The following MAP3K20 variants were observed in gnomAD, a reference collection of about 807,000 sequenced individuals.
The protein encoded by MAP3K20 is mitogen-activated protein kinase kinase kinase 20.
In MAP3K20, 40 loss-of-function variants were observed where a neutral mutation model predicts 85.7. That is an observed-to-expected ratio of 0.47 (90% CI 0.36 to 0.61). The LOEUF is 0.61. Ranked by LOEUF, MAP3K20 falls within the 20% of genes least tolerant of loss-of-function variation. MAP3K20 has a pLI of 0.00. For missense variants in MAP3K20, 817 were observed against 961.7 expected, an observed-to-expected ratio of 0.85 and a Z score of 1.99; for synonymous variants, 325 against 327.7, an observed-to-expected ratio of 0.99 and a Z score of 0.09.
chr2:173,075,976 G>A lies in MAP3K20; in HGVS notation c.-61G>A, dbSNP rs1486211973. ...GCGCGGGGCCTCCGCGCCCCCGGCT[G>A]CTGCTCACGCCCCGCCCGGGAGCCA... On this transcript the variant is annotated 5_prime_UTR_variant, in exon 1 of 20. Coordinates refer to ENST00000375213, the MANE Select transcript of MAP3K20 (RefSeq NM_016653.3). 2.0e-6 allele frequency: 2 copies of A among 984,922 alleles called. No homozygotes were observed. Among genetic ancestry groups the A allele is most frequent in the Non-Finnish European group, 2.4e-6 (2 of 829,822 alleles). 61.0% of individuals were successfully genotyped at this position (984,922 alleles called of 1,614,324 possible).
At chr2:173,152,548 G>A (rs944958192) in intron 2 of MAP3K20, among the ~76,000 whole-genome samples, 3 of 152,134 alleles carry the variant, frequency 2.0e-5, no homozygotes, top group Admixed American at 1.3e-4. Flanking sequence ...ACCACTTATC[G>A]AATGCTCTTA....
intron 10 of MAP3K20, 32 bp from the exon 11 acceptor site, chr2:173,217,083 A>C: frequency 6.9e-7 from 1 of 1,443,520 alleles, no homozygotes; most frequent in Non-Finnish European, 9.2e-7. Context: ...TCTTAAGTAA[A>C]GTTGAGACTT....
chr2:173,215,987 C>T (rs534981112), intron 10 of MAP3K20, among the ~76,000 whole-genome samples: 2 of 152,172 alleles, frequency 1.3e-5, no homozygotes, highest in Non-Finnish European at 2.9e-5. Flanking sequence ...TGGCAGCACC[C>T]AGCAGCTATT....
At chr2:173,079,972 CATT>C (rs1328831517) in intron 1 of MAP3K20, among the ~76,000 whole-genome samples, 4 of 151,826 alleles carry the variant, frequency 2.6e-5, no homozygotes, top group Non-Finnish European at 5.9e-5. Context: ...GTAACACAGT[CATT>C]ATCCTTATCA....
At chr2:173,076,719 C>T (rs776548703) in intron 1 of MAP3K20, among the ~76,000 whole-genome samples, 2 of 152,260 alleles carry the variant, frequency 1.3e-5, no homozygotes, top group Non-Finnish European at 2.9e-5. Flanking sequence ...AAGCGCCCGC[C>T]CTCTCGGGCT....
At chr2:173,264,652 G>C (rs77062162) in intron 19 of MAP3K20, among the ~76,000 whole-genome samples, 3 of 152,158 alleles carry the variant, frequency 2.0e-5, no homozygotes, top group Non-Finnish European at 4.4e-5. Context: ...CAACTCTCCC[G>C]ATCACGTGGC....
At chr2:173,137,764 C>T (rs1426538765) in intron 2 of MAP3K20, among the ~76,000 whole-genome samples, 3 of 151,988 alleles carry the variant, frequency 2.0e-5, no homozygotes, top group East Asian at 3.8e-4. Flanking sequence ...AATTGTAACC[C>T]ACATAAAATT....
intron 7 of MAP3K20, among the ~76,000 whole-genome samples, chr2:173,192,249 C>G (rs939274165): frequency 6.6e-6 from 1 of 152,162 alleles, no homozygotes; most frequent in South Asian, 2.1e-4. Context: ...AGAGGAGATT[C>G]ACGTTGTCAG....
chr2:173,128,327 AT>A (rs1688506456), intron 2 of MAP3K20, among the ~76,000 whole-genome samples: 1 of 150,712 alleles, frequency 6.6e-6, no homozygotes, highest in Admixed American at 6.6e-5. Context: ...TTATTTATTT[AT>A]TTATTTATTT....
In MAP3K20 at chr2:173,091,172, C is replaced by T. The variant is rs775366900; in HGVS notation, c.141C>T (p.Leu47=). Residue 47 remains leucine (L), a synonymous_variant, in exon 2 of 20, where the codon CTC becomes CTT. Coordinates refer to ENST00000375213, the MANE Select transcript of MAP3K20 (RefSeq NM_016653.3). ...ACAAGGAGGTGGCTGTAAAGAAGCT[C>T]CTCAAAATAGAGAAAGAGGTAAGGT... ...SQDKEVAVKK[L]LKIEKEAEIL... 5.6e-6 allele frequency: 9 copies of T among 1,612,558 alleles called. No individual in the cohort carries two copies. The highest frequency in any genetic ancestry group is 1.7e-4 in the Middle Eastern group (1 of 6,056).
chr2:173,235,032 A>G (rs1452117517), intron 14 of MAP3K20, among the ~76,000 whole-genome samples: 1 of 152,258 alleles, frequency 6.6e-6, no homozygotes, highest in African/African-American at 2.4e-5. Flanking sequence ...CTCAGGCTCA[A>G]GAAGGAAAGC....
intron 19 of MAP3K20, 140 bp downstream of exon 19, chr2:173,264,035 G>C: frequency 8.3e-7 from 1 of 1,201,080 alleles, no homozygotes; most frequent in Non-Finnish European, 1.1e-6. Context: ...AGAAAACCCA[G>C]TTGCAACTGG....
chr2:173,224,314 C>T (rs1377713427), intron 11 of MAP3K20: 6 of 985,306 alleles, frequency 6.1e-6, no homozygotes, highest in Non-Finnish European at 7.2e-6. Context: ...CCTGGAGTCT[C>T]ATTTAAGAAT....
At chr2:173,143,487 C>T (rs1470731593) in intron 2 of MAP3K20, among the ~76,000 whole-genome samples, 1 of 152,134 alleles carries the variant, frequency 6.6e-6, no homozygotes, top group Non-Finnish European at 1.5e-5. Flanking sequence ...GGAGTGTTCT[C>T]CAGGATAGAT....
intron 2 of MAP3K20, among the ~76,000 whole-genome samples, chr2:173,136,036 C>G (rs1688789950): frequency 6.6e-6 from 1 of 152,112 alleles, no homozygotes; most frequent in Non-Finnish European, 1.5e-5. Flanking sequence ...CATTGACAAA[C>G]CTGTGTGCTA....
intron 4 of MAP3K20, among the ~76,000 whole-genome samples, chr2:173,184,058 C>G (rs1690413247): frequency 1.3e-5 from 2 of 152,146 alleles, no homozygotes; most frequent in Non-Finnish European, 2.9e-5. Flanking sequence ...GTACCTGAGA[C>G]TTTATGTTAA....
chr2:173,098,279 A>G (rs1190257815), intron 2 of MAP3K20, among the ~76,000 whole-genome samples: 2 of 152,222 alleles, frequency 1.3e-5, no homozygotes, highest in African/African-American at 4.8e-5. Context: ...TGTTAACTAT[A>G]CCAGAGCTAA....
rs139061699 is a variant in MAP3K20 at position 173,252,040 on chromosome 2, T to C, written c.1360-6659T>C. ...CTGTGAATTGCCCAGAACTTTAAAC[T>C]CTAGTTTTTTGTGCTACCTTTTAAT... On this transcript the variant is annotated intron_variant, in intron 16 of 19. Transcript: ENST00000375213. Among the ~76,000 whole-genome samples, 30 of 152,374 alleles carry C rather than the reference T, an allele frequency of 2.0e-4. No individual in the cohort carries two copies. In the East Asian group the frequency reaches 5.6e-3, roughly 28 times the overall value.
At chr2:173,194,839 G>T (rs1316840478) in intron 7 of MAP3K20, among the ~76,000 whole-genome samples, 2 of 151,754 alleles carry the variant, frequency 1.3e-5, no homozygotes, top group Non-Finnish European at 2.9e-5. Flanking sequence ...TTAGACTGCT[G>T]TAAGAATTTA....
Sources: allele counts gnomAD v4.1 joint callset (sites outside exome capture counted in the v4.1 genomes callset), GRCh38; gene constraint gnomAD v4.1.1; transcripts MANE v1.5; gene names NCBI Gene and HGNC (gene_info 2026-07-23, HGNC 2026-07-21).